The following LARGE1 variants were observed in gnomAD, a reference collection of about 807,000 sequenced individuals.
The protein encoded by LARGE1 is xylosyl- and glucuronyltransferase LARGE1.
In LARGE1, 43 loss-of-function variants were observed where a neutral mutation model predicts 87.6. That is an observed-to-expected ratio of 0.49 (90% CI 0.38 to 0.63). The LOEUF (loss-of-function observed/expected upper bound fraction) is 0.63, where lower values mean the gene tolerates loss of function less well. Among genes scored for constraint, LARGE1 ranks in the 30% least tolerant of loss-of-function variants. The pLI, the probability that LARGE1 is intolerant of heterozygous loss-of-function variation, is 0.00. For synonymous variants in LARGE1, 434 were observed against 394.6 expected, an observed-to-expected ratio of 1.10 and a Z score of -1.18; for missense variants, 802 against 1,000.2, an observed-to-expected ratio of 0.80 and a Z score of 2.67.
intron 2 of LARGE1, among the ~76,000 whole-genome samples, chr22:33,664,833 C>T (rs765253457): frequency 5.3e-5 from 8 of 151,926 alleles, no homozygotes; most frequent in Non-Finnish European, 1.0e-4. Flanking sequence ...CACTCCAGCC[C>T]GGTGACAGAG....
intron 11 of LARGE1, among the ~76,000 whole-genome samples, chr22:33,216,299 T>A (rs1165419846): frequency 6.6e-6 from 1 of 152,142 alleles, no homozygotes; most frequent in Admixed American, 6.5e-5. Flanking sequence ...AGGTGGGACC[T>A]AGTGAGAGCT....
At position 33,274,255 on chromosome 22, in the gene LARGE1, G is replaced by T; in HGVS notation, c.*172C>A. ...AGGGTTGTGGGGCAGAGAGGGACTG[G>T]CTGGATCCTTGTCCAAGGTCTCTGT... is the stretch of plus-strand genomic sequence containing the variant. On this transcript the variant is annotated 3_prime_UTR_variant, in exon 15 of 15. Transcript: ENST00000397394. The T allele has an allele frequency of 1.4e-6, 1 of 697,506 alleles. No homozygotes were observed. Among genetic ancestry groups the T allele is most frequent in the Non-Finnish European group, 2.5e-6 (1 of 394,606 alleles). The allele number at this position is 697,506 out of a possible 1,614,324, so 43.2% of individuals were successfully genotyped here. A position where few individuals can be genotyped will look rare whatever the true frequency, so the allele number is the denominator to read the frequency against.
chr22:33,348,279 CA>C (rs11316171), intron 9 of LARGE1, among the ~76,000 whole-genome samples: 4,580 of 70,694 alleles, frequency 0.065, 73 homozygotes, highest in African/African-American at 0.1. Flanking sequence ...CTCCCCCACC[CA>C]CCCCCCCCCA....
chr22:33,270,683 G>A (rs532335570), downstream of LARGE1, among the ~76,000 whole-genome samples: 136 of 152,268 alleles, frequency 8.9e-4, no homozygotes, highest in Admixed American at 3.4e-3. Flanking sequence ...GTGTCTGAGA[G>A]GGGATTTGAA....
intron 2 of LARGE1, among the ~76,000 whole-genome samples, chr22:33,736,528 C>G (rs2083661982): frequency 6.6e-6 from 1 of 152,182 alleles, no homozygotes; most frequent in Non-Finnish European, 1.5e-5. Flanking sequence ...TTCATCTATT[C>G]TGTACATAAG....
At chr22:33,626,110 C>G in intron 4 of LARGE1, 134 bp downstream of exon 4, 1 of 750,840 alleles carries the variant, frequency 1.3e-6, no homozygotes, top group Admixed American at 2.0e-5. Flanking sequence ...CTCAGGGTTT[C>G]AGACAAAAAT....
At chr22:33,660,569 C>A (rs1468641870) in intron 2 of LARGE1, among the ~76,000 whole-genome samples, 2 of 152,202 alleles carry the variant, frequency 1.3e-5, no homozygotes, top group Admixed American at 6.5e-5. Flanking sequence ...GCATCACCAG[C>A]GTTAGTGACG....
chr22:33,351,533 G>C (rs983177286), intron 9 of LARGE1, among the ~76,000 whole-genome samples: 1 of 151,668 alleles, frequency 6.6e-6, no homozygotes, highest in African/African-American at 2.4e-5. Flanking sequence ...ATAACCCAAA[G>C]TATAAAATAA....
At chr22:33,393,975 C>T (rs2065625184) in intron 7 of LARGE1, among the ~76,000 whole-genome samples, 1 of 150,770 alleles carries the variant, frequency 6.6e-6, no homozygotes, top group Non-Finnish European at 1.5e-5. Context: ...AGCAACAGCT[C>T]AGTAATCAAG....
In LARGE1 at chr22:33,304,375, G is replaced by C. The variant is rs113492643; in HGVS notation, c.1584C>G (p.Asn528Lys). Residue 528 changes from asparagine (N) to lysine (K), a missense_variant, in exon 12 of 15, where the codon AAC (asparagine) becomes AAG (lysine). Transcript: ENST00000397394. ...CCTTGTACACGATGTGGTAGCCCAC[G>C]TTGTGGCGGCTCATAAGCACCTCAG... is the stretch of plus-strand genomic sequence containing the variant. ...QGSEVLMSRH[N>K]VGYHIVYKEG... The C allele has an allele frequency of 6.2e-7, 1 of 1,614,258 alleles. No individual in the cohort carries two copies. Among genetic ancestry groups the C allele is most frequent in the Non-Finnish European group, 8.5e-7 (1 of 1,180,040 alleles).
chr22:33,394,614 GCT>G (rs951488509), intron 7 of LARGE1, among the ~76,000 whole-genome samples: 3 of 151,944 alleles, frequency 2.0e-5, no homozygotes, highest in Non-Finnish European at 4.4e-5. Flanking sequence ...AGAAACTAAA[GCT>G]TCCATATAAC....
At chr22:33,461,179 T>A (rs1377549203) in intron 6 of LARGE1, among the ~76,000 whole-genome samples, 2 of 152,042 alleles carry the variant, frequency 1.3e-5, no homozygotes, top group Non-Finnish European at 1.5e-5. Flanking sequence ...TAGGTGGTGG[T>A]TTTAAAATAT....
the LARGE1 span, among the ~76,000 whole-genome samples, chr22:33,113,010 A>G: frequency 0.82 from 125,240 of 152,080 alleles, 51,879 homozygotes; most frequent in African/African-American, 0.92. Context: ...TATTAAATGC[A>G]TTCAAGTCTC....
At chr22:33,511,382 C>T (rs1159269803) in intron 6 of LARGE1, among the ~76,000 whole-genome samples, 2 of 152,146 alleles carry the variant, frequency 1.3e-5, no homozygotes, top group Non-Finnish European at 2.9e-5. Context: ...ATTTCCCTGG[C>T]ATTTAAAGAG....
At chr22:33,527,621 G>C (rs888856398) in intron 6 of LARGE1, among the ~76,000 whole-genome samples, 2 of 152,022 alleles carry the variant, frequency 1.3e-5, no homozygotes, top group African/African-American at 4.8e-5. Flanking sequence ...CCCACCCAGA[G>C]TCTGAGGTTC....
chr22:33,143,601 C>T, the LARGE1 span, among the ~76,000 whole-genome samples: 1 of 152,028 alleles, frequency 6.6e-6, no homozygotes, highest in South Asian at 2.1e-4. Context: ...CTTTTCCCTG[C>T]ATGTGATTTT....
intron 1 of LARGE1, among the ~76,000 whole-genome samples, chr22:33,884,033 T>C (rs2064773831): frequency 6.6e-6 from 1 of 152,234 alleles, no homozygotes; most frequent in Non-Finnish European, 1.5e-5. Flanking sequence ...CTTAGAACAG[T>C]GCCTCATATA....
the LARGE1 span, among the ~76,000 whole-genome samples, chr22:33,096,774 C>G: frequency 6.6e-6 from 1 of 152,062 alleles, no homozygotes; most frequent in African/African-American, 2.4e-5. Flanking sequence ...ACTGTGTTAG[C>G]CAGGATGGTC....
chr22:33,403,501 C>T (rs1427981828), intron 7 of LARGE1, among the ~76,000 whole-genome samples: 4 of 152,170 alleles, frequency 2.6e-5, no homozygotes, highest in Non-Finnish European at 5.9e-5. Context: ...TATTTGGCCA[C>T]GTGCTGGTTC....
Sources: gnomAD v4.1 joint callset for allele counts (sites outside exome capture counted in the v4.1 genomes callset) on GRCh38, gnomAD v4.1.1 for gene constraint, MANE v1.5 for transcripts, NCBI Gene and HGNC (gene_info 2026-07-23, HGNC 2026-07-21) for gene names.